Variants in ZNF385D observed in about 807,000 individuals in gnomAD.
The protein encoded by ZNF385D is zinc finger protein 659.
Under a neutral mutation model 35.8 loss-of-function variants are expected in ZNF385D, and 15 were observed. The observed-to-expected ratio is 0.42, with a 90% CI of 0.28 to 0.64. The LOEUF (loss-of-function observed/expected upper bound fraction) is 0.64. Among genes scored for constraint, ZNF385D ranks in the 30% least tolerant of loss-of-function variants. The pLI is 0.23. For synonymous variants in ZNF385D, 212 were observed against 186.8 expected (o/e 1.13, Z -1.10); for missense variants, 474 against 494.6 (o/e 0.96, Z 0.39).
chr3:21,574,731 C>T (rs1348054422), intron 2 of ZNF385D, among the ~76,000 whole-genome samples: 17 of 152,042 alleles, frequency 1.1e-4, no homozygotes, highest in Admixed American at 1.1e-3. Flanking sequence ...TTGATAATTG[C>T]TGAAGCTAAG....
chr3:22,193,197 A>C (rs1418564653), intron 2 of ZNF385D, among the ~76,000 whole-genome samples: 4 of 152,132 alleles, frequency 2.6e-5, no homozygotes, highest in Non-Finnish European at 5.9e-5. Flanking sequence ...ACTTTATTTG[A>C]CACCTTCCTT....
At chr3:21,753,003 G>GTAGT (rs2070175892), upstream of ZNF385D, among the ~76,000 whole-genome samples, 1 of 152,156 alleles carries the variant, frequency 6.6e-6, no homozygotes, top group African/African-American at 2.4e-5. Flanking sequence ...TTGAGTTCCT[G>GTAGT]TAGTTGGAAG....
Position 22,196,374 on chromosome 3 carries a change from T to C in ZNF385D, c.107-27339A>G, listed in dbSNP as rs549670804. ...ATTTAGAGTGTGTATTTTGCAACAA[T>C]AGAAGTAGGATTGTCACTTGATTAT... On this transcript the variant is annotated intron_variant, in intron 2 of 5. Coordinates refer to the ZNF385D transcript ENST00000494108. 2.0e-5 allele frequency among the ~76,000 whole-genome samples: 3 copies of C among 152,102 alleles called. 1 individual carries two copies. The highest frequency in any genetic ancestry group is 2.0e-4 in the Admixed American group (3 of 15,222).
At chr3:22,297,190 T>C (rs1702632245) in intron 2 of ZNF385D, among the ~76,000 whole-genome samples, 2 of 152,096 alleles carry the variant, frequency 1.3e-5, no homozygotes, top group Admixed American at 1.3e-4. Context: ...TTGTTCCTAG[T>C]CTCAAGCTCC....
intron 2 of ZNF385D, among the ~76,000 whole-genome samples, chr3:21,594,032 G>A (rs1050887359): frequency 7.2e-5 from 11 of 152,246 alleles, no homozygotes; most frequent in Non-Finnish European, 1.0e-4. Context: ...GACAGTAGAC[G>A]CACAGCTTTT....
intron 1 of ZNF385D, among the ~76,000 whole-genome samples, chr3:21,695,031 C>G (rs550787970): frequency 6.6e-6 from 1 of 152,150 alleles, no homozygotes; most frequent in Non-Finnish European, 1.5e-5. Context: ...AGTCATTTAA[C>G]TTCTCTGTAA....
At chr3:21,603,178 C>T (rs1440674445) in intron 2 of ZNF385D, among the ~76,000 whole-genome samples, 3 of 152,154 alleles carry the variant, frequency 2.0e-5, no homozygotes, top group Non-Finnish European at 4.4e-5. Context: ...AATAAATGGC[C>T]TCTCTTAAAG....
At chr3:21,671,651 A>AT (rs1220021942) in intron 1 of ZNF385D, among the ~76,000 whole-genome samples, 6 of 152,214 alleles carry the variant, frequency 3.9e-5, no homozygotes, top group African/African-American at 1.2e-4. Context: ...CAACAATATG[A>AT]TAAAAACAAA....
intron 2 of ZNF385D, among the ~76,000 whole-genome samples, chr3:22,344,548 C>T (rs1398097142): frequency 6.6e-6 from 1 of 151,702 alleles, no homozygotes; most frequent in Non-Finnish European, 1.5e-5. Context: ...TACCACCATG[C>T]CTGCCTCATT....
At chr3:21,832,293 A>C (rs1331692105) in intron 3 of ZNF385D, among the ~76,000 whole-genome samples, 7 of 152,226 alleles carry the variant, frequency 4.6e-5, no homozygotes, top group African/African-American at 1.4e-4. Context: ...GAAAATAAGC[A>C]CATCTCTATA....
chr3:21,486,293 G>T (rs1289927236), intron 4 of ZNF385D, among the ~76,000 whole-genome samples: 1 of 145,374 alleles, frequency 6.9e-6, no homozygotes, highest in Non-Finnish European at 1.5e-5. Flanking sequence ...ATCACTGTAC[G>T]CATTAATTTA....
chr3:21,525,625 A>G (rs1708176646), intron 3 of ZNF385D, among the ~76,000 whole-genome samples: 1 of 149,298 alleles, frequency 6.7e-6, no homozygotes, highest in South Asian at 2.2e-4. Context: ...CGGAGGTTGC[A>G]GAGAGCAGAG....
intron 3 of ZNF385D, among the ~76,000 whole-genome samples, chr3:21,760,600 T>C (rs2070561290): frequency 1.3e-5 from 2 of 152,236 alleles, no homozygotes; most frequent in Admixed American, 1.3e-4. Flanking sequence ...TGTTTTAAAC[T>C]CTATGCACAG....
intron 3 of ZNF385D, among the ~76,000 whole-genome samples, chr3:21,836,838 G>A (rs2670279): frequency 0.89 from 135,371 of 152,166 alleles, 60,471 homozygotes; most frequent in African/African-American, 0.96. Flanking sequence ...GTTTGCAGAC[G>A]CTGCCGTAGA....
At chr3:21,427,232 T>G (rs1031249282) in intron 5 of ZNF385D, among the ~76,000 whole-genome samples, 3 of 152,276 alleles carry the variant, frequency 2.0e-5, no homozygotes, top group African/African-American at 7.2e-5. Context: ...AAACAAAATA[T>G]GTAAATGATT....
chr3:22,213,896 C>A (rs576144561), intron 2 of ZNF385D, among the ~76,000 whole-genome samples: 2 of 152,006 alleles, frequency 1.3e-5, no homozygotes, highest in African/African-American at 4.8e-5. Context: ...AGAGAATTTA[C>A]ACCAGAAGAA....
At chr3:22,250,278 CAA>C (rs1488330854) in intron 2 of ZNF385D, among the ~76,000 whole-genome samples, 2 of 151,940 alleles carry the variant, frequency 1.3e-5, no homozygotes, top group African/African-American at 4.8e-5. Flanking sequence ...TTTAAATATG[CAA>C]AAGTCTTTTT....
intron 4 of ZNF385D, among the ~76,000 whole-genome samples, chr3:21,462,509 T>C (rs1290437541): frequency 6.6e-6 from 1 of 152,108 alleles, no homozygotes; most frequent in Non-Finnish European, 1.5e-5. Context: ...AGGGTAAAAG[T>C]TGACATTAAA....
At chr3:21,532,367 G>A (rs778212881) in intron 3 of ZNF385D, among the ~76,000 whole-genome samples, 42 of 152,114 alleles carry the variant, frequency 2.8e-4, no homozygotes, top group Non-Finnish European at 4.9e-4. Context: ...GTGTGGGGGA[G>A]GGAAGGTACC....
Sources: gnomAD v4.1 joint callset for allele counts (sites outside exome capture counted in the v4.1 genomes callset) on GRCh38, gnomAD v4.1.1 for gene constraint, MANE v1.5 for transcripts, NCBI Gene and HGNC (gene_info 2026-07-23, HGNC 2026-07-21) for gene names.